The following RBM46 variants were observed in gnomAD, a reference collection of about 807,000 sequenced individuals.
RBM46 encodes RNA binding motif protein 46.
RBM46 carries 12 observed loss-of-function variants against 43.3 expected under a neutral mutation model. The observed-to-expected ratio is 0.28, with a 90% CI of 0.18 to 0.45. RBM46 has a LOEUF of 0.45. Ranked by LOEUF, RBM46 falls within the 20% of genes least tolerant of loss-of-function variation. The pLI is 1.00. For missense variants in RBM46, 412 were observed against 639.1 expected (o/e 0.64, Z 3.83); for synonymous variants, 205 against 207.6 (o/e 0.99, Z 0.11).
At chr4:154,826,017 G>C (rs1169149531) in intron 4 of RBM46, among the ~76,000 whole-genome samples, 1 of 152,068 alleles carries the variant, frequency 6.6e-6, no homozygotes, top group Non-Finnish European at 1.5e-5. Context: ...GAAATTGACT[G>C]TATTTGCATA....
Position 154,827,935 on chromosome 4 carries a change from T to C in RBM46, c.1470T>C (p.Thr490=). ...SPVSATLSSG[T]PSVLPYTSRP... ...TTAGTGCTACCCTCTCTTCTGGGAC[T>C]CCCAGCGTGCTTCCTTATACTTCAA... Residue 490 remains threonine (T), a synonymous_variant, in exon 5 of 5, where the codon ACT becomes ACC. Coordinates refer to ENST00000281722, the MANE Select transcript of RBM46 (RefSeq NM_144979.5). The C allele has an allele frequency of 6.2e-7, 1 of 1,613,922 alleles. No homozygotes were observed. The highest frequency in any genetic ancestry group is 1.1e-5 in the South Asian group (1 of 91,080).
At chr4:154,799,755 CT>C (rs35629123) in intron 4 of RBM46, among the ~76,000 whole-genome samples, 191 bp downstream of exon 4, 6,506 of 114,598 alleles carry the variant, frequency 0.057, 240 homozygotes, top group African/African-American at 0.16. Context: ...TTTAGCTTTT[CT>C]TTTTTTTTTT....
intron 1 of RBM46, among the ~76,000 whole-genome samples, chr4:154,788,340 A>G (rs1274257496): frequency 6.6e-6 from 1 of 152,152 alleles, no homozygotes; most frequent in Non-Finnish European, 1.5e-5. Context: ...TAAGTCTTTA[A>G]TCCATCTCGA....
chr4:154,793,464 C>T (rs1257813166), intron 1 of RBM46, among the ~76,000 whole-genome samples: 1 of 152,136 alleles, frequency 6.6e-6, no homozygotes, highest in Non-Finnish European at 1.5e-5. Context: ...GTAATGCATA[C>T]ATGCTAGCAG....
At chr4:154,801,034 G>A (rs1734610815) in intron 4 of RBM46, among the ~76,000 whole-genome samples, 1 of 149,178 alleles carries the variant, frequency 6.7e-6, no homozygotes, top group African/African-American at 2.5e-5. Context: ...AGACTTGAGT[G>A]CAGTAGCATG....
chr4:154,790,570 A>C (rs1734034830), intron 1 of RBM46: 1 of 152,222 alleles, frequency 6.6e-6, no homozygotes, highest in Non-Finnish European at 1.5e-5. Flanking sequence ...ATACATCTTA[A>C]AATGAATTAT....
chr4:154,827,496 GTTT>G, intron 4 of RBM46: 6 of 1,009,458 alleles, frequency 5.9e-6, no homozygotes, highest in Non-Finnish European at 7.1e-6. Flanking sequence ...TGAATTCACT[GTTT>G]TTTATCTTTT....
At chr4:154,803,726 AAAAAG>A (rs1734761922) in intron 4 of RBM46, among the ~76,000 whole-genome samples, 3 of 151,364 alleles carry the variant, frequency 2.0e-5, no homozygotes, top group African/African-American at 7.3e-5. Flanking sequence ...AAAAAAAAAA[AAAAAG>A]GAAATTATGT....
intron 1 of RBM46, among the ~76,000 whole-genome samples, chr4:154,783,249 A>T (rs547107634): frequency 2.6e-4 from 40 of 152,356 alleles, no homozygotes; most frequent in African/African-American, 9.6e-4. Context: ...ATGTACTTGA[A>T]TATTATTGCC....
At chr4:154,801,159 A>G (rs1734619637) in intron 4 of RBM46, among the ~76,000 whole-genome samples, 1 of 151,988 alleles carries the variant, frequency 6.6e-6, no homozygotes, top group Admixed American at 6.6e-5. Flanking sequence ...TTGTATTTTA[A>G]GTAGAGACAG....
intron 2 of RBM46, 39 bp from the exon 3 acceptor site, chr4:154,797,772 C>A: frequency 7.6e-7 from 1 of 1,322,374 alleles, no homozygotes; most frequent in South Asian, 1.5e-5. Flanking sequence ...TACAAATATC[C>A]AATTAGAATT....
chr4:154,804,204 T>C (rs1276601627), intron 4 of RBM46, among the ~76,000 whole-genome samples: 1 of 152,194 alleles, frequency 6.6e-6, no homozygotes. Flanking sequence ...AGGTATTCCT[T>C]TATAGCAGTG....
intron 1 of RBM46, chr4:154,782,078 G>A (rs997775070): frequency 6.6e-6 from 1 of 152,532 alleles, no homozygotes; most frequent in Non-Finnish European, 1.5e-5. Context: ...CGAGTACCTC[G>A]TGTGTGCTGG....
intron 4 of RBM46, among the ~76,000 whole-genome samples, chr4:154,818,008 T>G (rs1240976287): frequency 6.6e-6 from 1 of 152,146 alleles, no homozygotes; most frequent in Non-Finnish European, 1.5e-5. Context: ...CTTAGTACAC[T>G]TTGACTTCTT....
intron 1 of RBM46, among the ~76,000 whole-genome samples, chr4:154,785,432 A>T (rs1370625056): frequency 1.3e-5 from 2 of 151,770 alleles, no homozygotes; most frequent in East Asian, 3.9e-4. Flanking sequence ...AGTCTTGTTT[A>T]TTAAGTTAAA....
chr4:154,793,588 C>A (rs964132555), intron 1 of RBM46, among the ~76,000 whole-genome samples: 4 of 152,176 alleles, frequency 2.6e-5, no homozygotes, highest in African/African-American at 9.7e-5. Context: ...GTGTTGAAGG[C>A]TGAAGTGGTC....
chr4:154,799,477 T>A lies in RBM46; in HGVS notation c.1315T>A (p.Ser439Thr). 6.2e-7 allele frequency: 1 copy of A among 1,613,568 alleles called. No homozygotes were observed. Among genetic ancestry groups the A allele is most frequent in the Non-Finnish European group, 8.5e-7 (1 of 1,179,774 alleles). Residue 439 changes from serine to threonine, a missense_variant, in exon 4 of 5, where the codon TCC (serine) becomes ACC (threonine). By Grantham distance (58) the Ser-to-Thr change is moderately conservative. This residue lies in a region of RBM46 where 149 missense variants were observed against 156.3 expected (regional missense o/e 0.95). Coordinates refer to ENST00000281722, the MANE Select transcript of RBM46 (RefSeq NM_144979.5). ...KIVIPAIANG[S>T]QSYFMPDKLC... ...AGTTATTCCTGCTATTGCAAATGGA[T>A]CCCAGAGTTACTTCATGCCAGACAA...
chr4:154,798,602 A>G (rs1475859333), intron 3 of RBM46, among the ~76,000 whole-genome samples, 180 bp from the exon 4 acceptor site: 2 of 152,214 alleles, frequency 1.3e-5, no homozygotes, highest in African/African-American at 2.4e-5. Context: ...CTGAAATTAC[A>G]TAGTAAGTTT....
intron 4 of RBM46, among the ~76,000 whole-genome samples, chr4:154,814,453 ACT>A (rs935496472): frequency 1.3e-5 from 2 of 151,876 alleles, no homozygotes; most frequent in African/African-American, 4.8e-5. Context: ...GGAAATTGAG[ACT>A]CTGCTGCTAA....
Sources: gnomAD v4.1 joint callset for allele counts (sites outside exome capture counted in the v4.1 genomes callset) on GRCh38, gnomAD v4.1.1 for gene constraint, gnomAD v4.1.1 regional missense constraint, MANE v1.5 for transcripts, NCBI Gene and HGNC (gene_info 2026-07-23, HGNC 2026-07-21) for gene names.